RARB: variants seen among roughly 807,000 people sequenced by gnomAD.
The protein encoded by RARB is HBV-activated protein.
RARB carries 17 observed loss-of-function variants against 51.9 expected under a neutral mutation model. The observed-to-expected ratio is 0.33, with a 90% CI of 0.22 to 0.49. The LOEUF (loss-of-function observed/expected upper bound fraction) is 0.49, where lower values mean the gene tolerates loss of function less well. Ranked by LOEUF, RARB falls within the 20% of genes least tolerant of loss-of-function variation. The pLI is 0.99. For synonymous variants in RARB, 215 were observed against 195.4 expected, an observed-to-expected ratio of 1.10 and a Z score of -0.84; for missense variants, 369 against 550.8, an observed-to-expected ratio of 0.67 and a Z score of 3.30.
rs79595956 is a variant in RARB, at chr3:25,545,288, C to T, written c.449-24470C>T. ...TATCTGGCATACCTTTGTACTTTTCCCTTAAGAAAGATGGCAGTGATGGGC... is the reference window on the plus strand; with the variant it reads ...TATCTGGCATACCTTTGTACTTTTCTCTTAAGAAAGATGGCAGTGATGGGC... On this transcript the variant is annotated intron_variant, in intron 3 of 7. Coordinates refer to ENST00000330688, the MANE Select transcript of RARB (RefSeq NM_000965.5). 3.0e-3 allele frequency among the ~76,000 whole-genome samples: 463 copies of T among 152,194 alleles called. 4 individuals are homozygous for T. The highest frequency in any genetic ancestry group is 0.011 in the African/African-American group (451 of 41,520).
intron 2 of RARB, among the ~76,000 whole-genome samples, chr3:25,028,254 A>G (rs1170476744): frequency 6.6e-6 from 1 of 152,170 alleles, no homozygotes; most frequent in Admixed American, 6.5e-5. Context: ...AGGCCCTGTC[A>G]TTTGTCTTAA....
chr3:25,130,991 CAATATTTATTTATTATT>C (rs1699942775), intron 3 of RARB, among the ~76,000 whole-genome samples: 1 of 30,108 alleles, frequency 3.3e-5, no homozygotes, highest in African/African-American at 1.2e-4. Flanking sequence ...ATAATATTAT[CAATATTTATTTATTATT>C]TATCAATGAA....
intron 3 of RARB, among the ~76,000 whole-genome samples, chr3:25,548,423 T>A (rs1331024347): frequency 6.6e-6 from 1 of 152,168 alleles, no homozygotes; most frequent in East Asian, 1.9e-4. Flanking sequence ...TTATAATAGA[T>A]CATATTTCTA....
At chr3:24,987,021 G>A (rs891134050) in intron 2 of RARB, among the ~76,000 whole-genome samples, 1 of 152,058 alleles carries the variant, frequency 6.6e-6, no homozygotes, top group African/African-American at 2.4e-5. Flanking sequence ...AAAAATACGG[G>A]TTTGAAAACA....
chr3:25,395,501 A>C (rs999030278), intron 5 of RARB, among the ~76,000 whole-genome samples: 1 of 152,214 alleles, frequency 6.6e-6, no homozygotes, highest in Non-Finnish European at 1.5e-5. Context: ...AAGTTTTCCA[A>C]ACTCTTAAAT....
At chr3:25,118,251 T>A (rs911751041) in intron 3 of RARB, among the ~76,000 whole-genome samples, 12 of 152,112 alleles carry the variant, frequency 7.9e-5, no homozygotes, top group African/African-American at 2.9e-4. Context: ...GACCAGTACA[T>A]CTACCAAGAT....
chr3:24,970,080 A>G (rs1696361184), intron 2 of RARB, among the ~76,000 whole-genome samples: 1 of 152,068 alleles, frequency 6.6e-6, no homozygotes, highest in Non-Finnish European at 1.5e-5. Context: ...TCTCTGATTA[A>G]ATGACTCAAC....
chr3:24,911,972 G>A (rs370956567), intron 2 of RARB, among the ~76,000 whole-genome samples: 35 of 152,326 alleles, frequency 2.3e-4, no homozygotes, highest in African/African-American at 8.2e-4. Flanking sequence ...ACATAGGATT[G>A]CTTTAAAGAA....
chr3:25,558,928 GTCCTCATTATTTC>G (rs1700163762), intron 3 of RARB, among the ~76,000 whole-genome samples: 1 of 151,640 alleles, frequency 6.6e-6, no homozygotes, highest in Non-Finnish European at 1.5e-5. Context: ...ACTTCTCTTT[GTCCTCATTATTTC>G]TCCCCATCAA....
intron 5 of RARB, among the ~76,000 whole-genome samples, chr3:25,389,915 A>G (rs1016728372): frequency 6.6e-6 from 1 of 152,184 alleles, no homozygotes; most frequent in Non-Finnish European, 1.5e-5. Flanking sequence ...CAAATGGGGA[A>G]GAGTAGTGAT....
rs542420958 is a variant in RARB at position 25,445,002 on chromosome 3, T to C, written c.157+16114T>C. On this transcript the variant is annotated intron_variant, in intron 1 of 7. Transcript: ENST00000330688. ...TCTTGCTCTGTCGCCCAGGCTGGAG[T>C]GTGGTGGTACGATCTCAGGTCAGTG... Among the ~76,000 whole-genome samples, 4 of 151,970 alleles carry C rather than the reference T, an allele frequency of 2.6e-5. No individual in the cohort carries two copies. In the East Asian group the frequency reaches 7.7e-4, roughly 29 times the overall value.
chr3:25,104,057 A>G (rs1026412576), intron 3 of RARB, among the ~76,000 whole-genome samples: 3 of 152,190 alleles, frequency 2.0e-5, no homozygotes, highest in Non-Finnish European at 4.4e-5. Flanking sequence ...CATCTTTGAA[A>G]TCCTTTACTG....
chr3:25,518,061 T>A (rs1698245946), intron 3 of RARB, among the ~76,000 whole-genome samples: 1 of 152,208 alleles, frequency 6.6e-6, no homozygotes, highest in Non-Finnish European at 1.5e-5. Context: ...TTTCACAATT[T>A]GTGAAATTTG....
At chr3:24,842,524 A>G (rs989780950) in intron 1 of RARB, among the ~76,000 whole-genome samples, 1 of 152,088 alleles carries the variant, frequency 6.6e-6, no homozygotes, top group Non-Finnish European at 1.5e-5. Flanking sequence ...TATATATTAA[A>G]TCCTTTTCTA....
At chr3:25,235,590 A>G (rs1311169167) in intron 5 of RARB, among the ~76,000 whole-genome samples, 2 of 152,134 alleles carry the variant, frequency 1.3e-5, no homozygotes, top group African/African-American at 2.4e-5. Context: ...TACTCACTCA[A>G]ATCACAGACA....
In RARB at chr3:25,508,707, A is replaced by C. The variant is rs960868712; in HGVS notation, c.448+7384A>C. On this transcript the variant is annotated intron_variant, in intron 3 of 7. Transcript: ENST00000330688. ...TTTGTTCTGTTCACCAGAAACTACC[A>C]TTAACCCCCACCTTCTCTTCTTGCT... Among the ~76,000 whole-genome samples the C allele has an allele frequency of 2.6e-5, 4 of 152,216 alleles. No individual in the cohort carries two copies. The East Asian group carries it at 7.7e-4, about 29-fold the overall frequency.
At chr3:25,114,257 T>C (rs969833483) in intron 3 of RARB, among the ~76,000 whole-genome samples, 4 of 152,176 alleles carry the variant, frequency 2.6e-5, no homozygotes, top group Non-Finnish European at 5.9e-5. Context: ...CCTCCTTTGG[T>C]GCAGCACTCT....
chr3:25,569,188 T>C (rs1302256013), intron 3 of RARB, among the ~76,000 whole-genome samples: 1 of 152,204 alleles, frequency 6.6e-6, no homozygotes, highest in Non-Finnish European at 1.5e-5. Flanking sequence ...AAACAGATAA[T>C]ATGGTTCATA....
intron 2 of RARB, among the ~76,000 whole-genome samples, chr3:24,982,151 G>C (rs879568066): frequency 1.3e-5 from 2 of 152,318 alleles, no homozygotes; most frequent in East Asian, 3.9e-4. Flanking sequence ...GGTGGGACTT[G>C]TGGCCTGGGC....
Sources: allele counts gnomAD v4.1 joint callset (sites outside exome capture counted in the v4.1 genomes callset), GRCh38; gene constraint gnomAD v4.1.1; transcripts MANE v1.5; gene names NCBI Gene and HGNC (gene_info 2026-07-23, HGNC 2026-07-21).